PHF21B: variants seen among roughly 807,000 people sequenced by gnomAD.
The protein encoded by PHF21B is PHD finger protein 4.
Under a neutral mutation model 62.2 loss-of-function variants are expected in PHF21B, and 22 were observed. That is an observed-to-expected ratio of 0.35 (90% CI 0.25 to 0.51). PHF21B has a LOEUF of 0.51. Ranked by LOEUF, PHF21B falls within the 20% of genes least tolerant of loss-of-function variation. PHF21B has a pLI of 0.97. For missense variants in PHF21B, 701 were observed against 707.9 expected, an observed-to-expected ratio of 0.99 and a Z score of 0.11; for synonymous variants, 341 against 314.7, an observed-to-expected ratio of 1.08 and a Z score of -0.88.
chr22:44,978,179 G>C (rs917961388), intron 2 of PHF21B, among the ~76,000 whole-genome samples: 4 of 152,084 alleles, frequency 2.6e-5, no homozygotes, highest in African/African-American at 9.7e-5. Context: ...CCGGTTTGCA[G>C]GAGATGTACA....
Position 44,887,752 on chromosome 22 carries a change from C to T in PHF21B, c.1197+211G>A, listed in dbSNP as rs138418146. ...CCTGGGCAACAGAACGAGACTCTGT[C>T]TCAAAAAAAAAAAAAAAAAAAAAAT... On this transcript the variant is annotated intron_variant, in intron 10 of 12. Transcript: ENST00000313237. Among the ~76,000 whole-genome samples, 394 of 113,146 alleles carry T rather than the reference C, an allele frequency of 3.5e-3. 1 individual carries two copies. Among genetic ancestry groups the T allele is most frequent in the African/African-American group, 0.017 (375 of 21,524 alleles). The allele number at this position is 113,146 out of a possible 152,430, so 74.2% of individuals were successfully genotyped here.
At chr22:44,993,918 C>T (rs1470336205) in intron 2 of PHF21B, among the ~76,000 whole-genome samples, 2 of 152,200 alleles carry the variant, frequency 1.3e-5, no homozygotes, top group African/African-American at 2.4e-5. Flanking sequence ...ATGATGCACC[C>T]CAGCTTTTCT....
At chr22:44,947,440 G>A (rs903792079) in intron 2 of PHF21B, among the ~76,000 whole-genome samples, 1 of 152,160 alleles carries the variant, frequency 6.6e-6, no homozygotes, top group African/African-American at 2.4e-5. Flanking sequence ...CCAGCGCCAG[G>A]GCCCAGCCCC....
At position 44,881,475 on chromosome 22, in the gene PHF21B, A is replaced by T. The variant is rs935093411; in HGVS notation, c.*1611T>A. 6.5e-6 allele frequency: 1 copy of T among 152,692 alleles called. No individual in the cohort carries two copies. Among genetic ancestry groups the T allele is most frequent in the African/African-American group, 2.4e-5 (1 of 41,464 alleles). The allele number at this position is 152,692 out of a possible 1,614,324, so 9.5% of individuals were successfully genotyped here. ...ACTTGGCACAGAGTAGCCAATATAG[A>T]AGACGTGTGCCTCACACGGTTCACT... On this transcript the variant is annotated 3_prime_UTR_variant, in exon 13 of 13. Coordinates refer to ENST00000313237, the MANE Select transcript of PHF21B (RefSeq NM_138415.5).
intron 2 of PHF21B, among the ~76,000 whole-genome samples, chr22:44,945,744 G>A (rs978606227): frequency 1.3e-5 from 2 of 150,316 alleles, no homozygotes; most frequent in Non-Finnish European, 2.9e-5. Flanking sequence ...AAGCAGTCCT[G>A]CTTACCTTGA....
intron 2 of PHF21B, among the ~76,000 whole-genome samples, chr22:44,996,325 G>A (rs746348977): frequency 1.6e-4 from 24 of 152,212 alleles, no homozygotes; most frequent in Non-Finnish European, 3.5e-4. Flanking sequence ...GGGAGCATCC[G>A]CCAGCCTTCC....
At chr22:44,992,586 G>A (rs532694002) in intron 2 of PHF21B, among the ~76,000 whole-genome samples, 9 of 152,358 alleles carry the variant, frequency 5.9e-5, no homozygotes, top group African/African-American at 1.2e-4. Flanking sequence ...GAATCTCTGC[G>A]CGTGCACGTG....
Position 44,883,044 on chromosome 22 carries a change from TC to T in PHF21B, c.*41del. 1 of 1,558,916 alleles carries T rather than the reference TC, an allele frequency of 6.4e-7. No homozygotes were observed. ...GAACCCCCAGGCTGTGTAAGCAGGG[TC>T]CCAATAACTTTCCGTGGGTATGAAG... On this transcript the variant is annotated 3_prime_UTR_variant, in exon 13 of 13. Transcript: ENST00000313237.
At chr22:44,997,040 C>CG (rs1569282444) in intron 2 of PHF21B, among the ~76,000 whole-genome samples, 1 of 152,232 alleles carries the variant, frequency 6.6e-6, no homozygotes, top group East Asian at 1.9e-4. Flanking sequence ...TGTCTCCCCC[C>CG]CGAGTCTCTG....
At chr22:44,902,270 G>T in intron 5 of PHF21B, 2 of 240,134 alleles carry the variant, frequency 8.3e-6, no homozygotes, top group South Asian at 5.8e-5. Flanking sequence ...CACACAAACA[G>T]AGAAGTACAA....
chr22:44,923,621 A>G lies in PHF21B; in HGVS notation c.121-3131T>C, dbSNP rs117147454. ...ACATACAAATCACCTATCTGATGAA[A>G]GCCTTGTATCCATAATATATGACAG... On this transcript the variant is annotated intron_variant, in intron 2 of 12. Transcript: ENST00000313237. 9.2e-5 allele frequency among the ~76,000 whole-genome samples: 14 copies of G among 152,334 alleles called. No homozygotes were observed. The East Asian group carries it at 2.7e-3, about 29-fold the overall frequency.
At chr22:44,893,585 C>T (rs1394247143) in intron 6 of PHF21B, 52 bp from the exon 7 acceptor site, 1 of 1,525,826 alleles carries the variant, frequency 6.6e-7, no homozygotes, top group Non-Finnish European at 8.9e-7. Flanking sequence ...CCTGGGAACC[C>T]CAAATGCTTC....
At chr22:44,991,281 G>A (rs963869434) in intron 2 of PHF21B, among the ~76,000 whole-genome samples, 1 of 152,226 alleles carries the variant, frequency 6.6e-6, no homozygotes, top group Non-Finnish European at 1.5e-5. Flanking sequence ...AGAAAAGGCA[G>A]TCTGGCCACT....
At chr22:44,884,417 CA>C (rs2070810575) in intron 12 of PHF21B, among the ~76,000 whole-genome samples, 1 of 61,492 alleles carries the variant, frequency 1.6e-5, no homozygotes, top group Non-Finnish European at 4.3e-5. Flanking sequence ...CCATCACCAC[CA>C]CCATGATCAC....
At chr22:44,963,787 C>G (rs966115401) in intron 2 of PHF21B, among the ~76,000 whole-genome samples, 3 of 152,250 alleles carry the variant, frequency 2.0e-5, no homozygotes, top group African/African-American at 7.2e-5. Flanking sequence ...TTCGGAGAAG[C>G]AGGCCCACCC....
chr22:44,979,400 G>A (rs991542390), intron 2 of PHF21B, among the ~76,000 whole-genome samples: 2 of 152,244 alleles, frequency 1.3e-5, no homozygotes, highest in African/African-American at 4.8e-5. Context: ...AGGGCACTCA[G>A]GAGGCAGTCT....
At chr22:44,970,448 G>A (rs912214320) in intron 2 of PHF21B, among the ~76,000 whole-genome samples, 12 of 152,178 alleles carry the variant, frequency 7.9e-5, no homozygotes, top group Admixed American at 1.3e-4. Flanking sequence ...TGTGCCAGGC[G>A]GCAGCCCCAT....
chr22:44,994,391 C>A (rs1170930740), intron 2 of PHF21B, among the ~76,000 whole-genome samples: 1 of 152,190 alleles, frequency 6.6e-6, no homozygotes, highest in Non-Finnish European at 1.5e-5. Context: ...GAGGCAGAGA[C>A]TGGAGGGCTG....
Position 45,003,467 on chromosome 22 carries a change from G to C in PHF21B, c.120+5078C>G, listed in dbSNP as rs1022369441. 41 of 152,296 alleles carry C rather than the reference G, an allele frequency of 2.7e-4. 1 individual carries two copies. The highest frequency in any genetic ancestry group is 2.4e-3 in the Admixed American group (37 of 15,290). The allele number at this position is 152,296 out of a possible 1,614,324, so 9.4% of individuals were successfully genotyped here. A position where few individuals can be genotyped will look rare whatever the true frequency, so the allele number is the denominator to read the frequency against. Reference sequence around the variant, plus strand: ...CACAAGCAAGGCTAAGAACGCCGCAGAGGCAGAAAAGCACTCCAGGTGTCT... The same window carrying C: ...CACAAGCAAGGCTAAGAACGCCGCACAGGCAGAAAAGCACTCCAGGTGTCT... On this transcript the variant is annotated intron_variant, in intron 2 of 12. Transcript: ENST00000313237.
Sources: allele counts gnomAD v4.1 joint callset (sites outside exome capture counted in the v4.1 genomes callset), GRCh38; gene constraint gnomAD v4.1.1; transcripts MANE v1.5; gene names NCBI Gene and HGNC (gene_info 2026-07-23, HGNC 2026-07-21).